Variants in LRRC3C observed in about 807,000 individuals in gnomAD.
LRRC3C encodes the protein leucine-rich repeat-containing protein 3C.
A neutral mutation model predicts 14.8 loss-of-function variants in LRRC3C; 11 were observed. The observed-to-expected ratio is 0.74, with a 90% CI of 0.47 to 1.23. The LOEUF is 1.23. Among genes scored for constraint, LRRC3C ranks in the 50% most tolerant of loss-of-function variants. The pLI is 0.00. For synonymous variants in LRRC3C, 149 were observed against 161.5 expected (o/e 0.92, Z 0.59); for missense variants, 354 against 361.8 (o/e 0.98, Z 0.18).
intron 2 of LRRC3C, among the ~76,000 whole-genome samples, 128 bp from the exon 3 acceptor site, chr17:39,941,315 C>T (rs184496023): frequency 7.6e-4 from 111 of 145,362 alleles, no homozygotes; most frequent in African/African-American, 2.7e-3. Context: ...TGTGGCACTG[C>T]ACTCCAGCCT....
At chr17:39,928,174 C>T (rs1978540938) in intron 1 of LRRC3C, among the ~76,000 whole-genome samples, 1 of 152,256 alleles carries the variant, frequency 6.6e-6, no homozygotes, top group South Asian at 2.1e-4. Flanking sequence ...CTGCCCCGGA[C>T]CGGGCCACAT....
At chr17:39,936,006 A>G in intron 2 of LRRC3C, 112 bp downstream of exon 2, 1 of 434,216 alleles carries the variant, frequency 2.3e-6, no homozygotes, top group Non-Finnish European at 3.1e-6. Flanking sequence ...CTCCAACATC[A>G]GGGAGGGAAG....
chr17:39,933,127 A>G (rs1453093991), intron 1 of LRRC3C, among the ~76,000 whole-genome samples: 1 of 152,194 alleles, frequency 6.6e-6, no homozygotes, highest in Non-Finnish European at 1.5e-5. Flanking sequence ...GAAGGGATTT[A>G]GGGTGATCTT....
At chr17:39,940,905 G>T (rs887988193) in intron 2 of LRRC3C, among the ~76,000 whole-genome samples, 4 of 152,096 alleles carry the variant, frequency 2.6e-5, no homozygotes, top group African/African-American at 9.7e-5. Flanking sequence ...CCTCAGCCCA[G>T]TTAATTTTTT....
At chr17:39,931,033 T>C (rs1452539219) in intron 1 of LRRC3C, among the ~76,000 whole-genome samples, 1 of 150,968 alleles carries the variant, frequency 6.6e-6, no homozygotes, top group Admixed American at 6.6e-5. Flanking sequence ...TCCCAGCTAC[T>C]TGAGAGGCTG....
At chr17:39,932,822 C>T (rs568109011) in intron 1 of LRRC3C, among the ~76,000 whole-genome samples, 4 of 151,672 alleles carry the variant, frequency 2.6e-5, no homozygotes, top group Non-Finnish European at 5.9e-5. Context: ...GAGGCCGAGG[C>T]AGGTGGATCA....
Position 39,944,262 on chromosome 17 carries a change from C to T in LRRC3C, c.356C>T (p.Ser119Leu). 1 of 1,534,812 alleles carries T rather than the reference C, an allele frequency of 6.5e-7. No individual in the cohort carries two copies. Among genetic ancestry groups the T allele is most frequent in the Non-Finnish European group, 8.7e-7 (1 of 1,146,252 alleles). ...DLSHNALAHL[S>L]GAAFQGLEGT... Reference sequence around the variant, plus strand: ...TCCCATAATGCCCTTGCCCACCTCTCAGGGGCGGCTTTCCAGGGCCTGGAG... The same window carrying T: ...TCCCATAATGCCCTTGCCCACCTCTTAGGGGCGGCTTTCCAGGGCCTGGAG... The change falls in exon 4 of 4, where the codon TCA becomes TTA. Residue 119 changes from serine (S) to leucine (L), a missense_variant. Physicochemically the swap from Ser to Leu is moderately radical, Grantham distance 145. Coordinates refer to ENST00000377924, the MANE Select transcript of LRRC3C (RefSeq NM_001195545.2).
At chr17:39,932,627 C>T (rs112674603) in intron 1 of LRRC3C, among the ~76,000 whole-genome samples, 5 of 150,420 alleles carry the variant, frequency 3.3e-5, no homozygotes, top group Admixed American at 2.0e-4. Flanking sequence ...GAGGCTAAGG[C>T]GGGAGGATCG....
intron 3 of LRRC3C, among the ~76,000 whole-genome samples, chr17:39,943,505 C>T (rs936209460): frequency 1.3e-5 from 2 of 152,172 alleles, no homozygotes; most frequent in African/African-American, 4.8e-5. Flanking sequence ...CCCCTTGTCT[C>T]CATCACGCGA....
In LRRC3C at chr17:39,944,803, C is replaced by A. The variant is rs1227778035; in HGVS notation, c.*69C>A. On this transcript the variant is annotated 3_prime_UTR_variant, in exon 4 of 4. Transcript: ENST00000377924. ...TATGCCCTCTCCTTTGCTCTGACCC[C>A]CTCTGCCTCCTGTGCAGCTTCACCC... is the stretch of plus-strand genomic sequence containing the variant. The A allele has an allele frequency of 7.1e-7, 1 of 1,410,918 alleles. No homozygotes were observed. The highest frequency in any genetic ancestry group is 1.4e-5 in the African/African-American group (1 of 70,672). The allele number at this position is 1,410,918 out of a possible 1,614,324, so 87.4% of individuals were successfully genotyped here. A position where few individuals can be genotyped will look rare whatever the true frequency, so the allele number is the denominator to read the frequency against.
At position 39,944,204 on chromosome 17, in the gene LRRC3C, C is replaced by T; in HGVS notation, c.298C>T (p.Gln100Ter). Residue 100 changes from glutamine to a stop codon, truncating the protein, a stop_gained, in exon 4 of 4, where the codon CAG becomes TAG. Transcript: ENST00000377924. LOFTEE classifies it high-confidence loss of function. ...QLASVPAGAF[Q>*]HLPVLEELDL... is the part of the protein sequence containing the mutation. ...GGCATCGGTGCCTGCTGGTGCCTTC[C>T]AGCACCTGCCTGTCCTGGAGGAGTT... is the stretch of plus-strand genomic sequence containing the variant. 6.5e-7 allele frequency: 1 copy of T among 1,536,084 alleles called. No individual in the cohort carries two copies. Among genetic ancestry groups the T allele is most frequent in the African/African-American group, 1.4e-5 (1 of 73,168 alleles).
intron 1 of LRRC3C, among the ~76,000 whole-genome samples, chr17:39,934,943 G>GC (rs1355878524): frequency 6.6e-6 from 1 of 152,062 alleles, no homozygotes; most frequent in Non-Finnish European, 1.5e-5. Flanking sequence ...CTGTCATGGC[G>GC]CGGCTGAAAG....
chr17:39,927,790 G>A lies in LRRC3C; in HGVS notation c.-199G>A. ...GTTGGAAGTTGTACCGTGACGTGAT[G>A]GTCAGATCGGATGATAGAATTTTGG... On this transcript the variant is annotated 5_prime_UTR_variant, in exon 1 of 4. It removes an upstream start codon present in the reference 5' UTR. Coordinates refer to ENST00000377924, the MANE Select transcript of LRRC3C (RefSeq NM_001195545.2). 1 of 985,518 alleles carries A rather than the reference G, an allele frequency of 1.0e-6. No individual in the cohort carries two copies. The allele number at this position is 985,518 out of a possible 1,614,324, so 61.0% of individuals were successfully genotyped here.
In LRRC3C at chr17:39,941,140, G is replaced by A. The variant is rs537928070; in HGVS notation, c.-81-303G>A. Among the ~76,000 whole-genome samples, 6 of 151,668 alleles carry A rather than the reference G, an allele frequency of 4.0e-5. No homozygotes were observed. The East Asian group carries it at 6.0e-4, about 15-fold the overall frequency. The stretch of plus-strand genomic sequence containing the variant: ...CGAAGTGGGTGGATCACTAGAGGTC[G>A]GGAGTTCAAGACCAGCCTGGCCAAT... On this transcript the variant is annotated intron_variant, in intron 2 of 3. Transcript: ENST00000377924.
chr17:39,933,301 C>G (rs2144759971), intron 1 of LRRC3C, among the ~76,000 whole-genome samples: 2 of 152,254 alleles, frequency 1.3e-5, no homozygotes, highest in Middle Eastern at 6.8e-3. Context: ...GTGCTTTCAT[C>G]TGGTGATCTG....
intron 2 of LRRC3C, among the ~76,000 whole-genome samples, chr17:39,939,170 T>C (rs566575862): frequency 6.6e-6 from 1 of 152,302 alleles, no homozygotes; most frequent in South Asian, 2.1e-4. Context: ...GCAAAGGAGA[T>C]TGAAGAAGTA....
chr17:39,941,694 G>T, intron 3 of LRRC3C, 145 bp downstream of exon 3: 1 of 691,284 alleles, frequency 1.4e-6, no homozygotes, highest in Non-Finnish European at 2.4e-6. Flanking sequence ...GTAGGGTATT[G>T]GTATGTGTGG....
rs544044299 is a variant in LRRC3C, at chr17:39,941,449, A to G, written c.-75A>G. The G allele has an allele frequency of 3.9e-5, 49 of 1,265,526 alleles. No homozygotes were observed. The African/African-American group carries it at 6.1e-4, about 16-fold the overall frequency. 78.4% of individuals were successfully genotyped at this position (1,265,526 alleles called of 1,614,324 possible). A position where few individuals can be genotyped will look rare whatever the true frequency, so the allele number is the denominator to read the frequency against. On this transcript the variant is annotated 5_prime_UTR_variant, in exon 3 of 4. Coordinates refer to ENST00000377924, the MANE Select transcript of LRRC3C (RefSeq NM_001195545.2). ...ATTTTTATTTTGCACTCAGCTCTACAATTCCGTGTCCAGTCCTGGTCACCC... is the reference window on the plus strand; with the variant it reads ...ATTTTTATTTTGCACTCAGCTCTACGATTCCGTGTCCAGTCCTGGTCACCC...
At chr17:39,939,058 C>T (rs866840769) in intron 2 of LRRC3C, among the ~76,000 whole-genome samples, 6 of 152,008 alleles carry the variant, frequency 3.9e-5, no homozygotes, top group Middle Eastern at 3.4e-3. Context: ...GAGCAGAGCC[C>T]AGCCCTATCC....
Sources: allele counts gnomAD v4.1 joint callset (sites outside exome capture counted in the v4.1 genomes callset), GRCh38; gene constraint gnomAD v4.1.1; transcripts MANE v1.5; gene names NCBI Gene and HGNC (gene_info 2026-07-23, HGNC 2026-07-21).